The following TMA16 variants were observed in gnomAD, a reference collection of about 807,000 sequenced individuals.
TMA16 encodes the protein translation machinery-associated protein 16.
TMA16 carries 26 observed loss-of-function variants against 27.1 expected under a neutral mutation model. The ratio of observed to expected loss-of-function variants is 0.96; its 90% CI spans 0.70 to 1.33. The LOEUF (loss-of-function observed/expected upper bound fraction) is 1.33, where lower values mean the gene tolerates loss of function less well. Ranked by LOEUF, TMA16 falls within the 40% of genes most tolerant of loss-of-function variation. The pLI is 0.00. For synonymous variants in TMA16, 71 were observed against 81.9 expected (o/e 0.87, Z 0.72); for missense variants, 233 against 241.4 (o/e 0.97, Z 0.23).
Position 163,515,375 on chromosome 4 carries a change from G to A in TMA16, c.302G>A (p.Arg101Lys). 6.2e-7 allele frequency: 1 copy of A among 1,614,090 alleles called. No individual in the cohort carries two copies. The highest frequency in any genetic ancestry group is 8.5e-7 in the Non-Finnish European group (1 of 1,180,008). ...GAGTTACATAACAGTATCAGGGACA[G>A]GCAGGGGAGGCGGCACTGTTCCCGG... ...QIELHNSIRDRQGRRHCSRET... is the reference protein window; with the variant it reads ...QIELHNSIRDKQGRRHCSRET... The change falls in exon 5 of 7, where the codon AGG (arginine) becomes AAG (lysine). Residue 101 changes from arginine (R) to lysine (K), a missense_variant. Coordinates refer to ENST00000358572, the MANE Select transcript of TMA16 (RefSeq NM_018352.3).
At chr4:163,515,736 C>T (rs77801709) in intron 5 of TMA16, 2,759 of 252,978 alleles carry the variant, frequency 0.011, 53 homozygotes, top group East Asian at 0.063. Context: ...TCAACCCTAA[C>T]TTGTCTCCAG....
At chr4:163,516,389 T>G (rs1464512534) in intron 5 of TMA16, among the ~76,000 whole-genome samples, 2 of 152,232 alleles carry the variant, frequency 1.3e-5, no homozygotes, top group African/African-American at 4.8e-5. Context: ...CTATTTCTGA[T>G]TCATTAAGAT....
chr4:163,514,112 C>T lies in TMA16; in HGVS notation c.193C>T (p.Gln65Ter), dbSNP rs1737838003. 6.2e-7 allele frequency: 1 copy of T among 1,608,608 alleles called. No homozygotes were observed. Among genetic ancestry groups the T allele is most frequent in the African/African-American group, 1.3e-5 (1 of 74,474 alleles). The change falls in exon 4 of 7, where the codon CAA (glutamine) becomes TAA (stop). Residue 65 changes from glutamine (Q) to a stop codon, truncating the protein, a stop_gained. Transcript: ENST00000358572. LOFTEE classifies it high-confidence loss of function. ...LQWFQNHLDP[Q>*]KKRYSKKDAC... ...ATGGTTTCAAAATCATCTTGATCCC[C>T]AAAAAAAGAGATATTCAAAGAAAGA...
intron 1 of TMA16, among the ~76,000 whole-genome samples, chr4:163,500,117 G>C (rs1351578147): frequency 2.0e-5 from 3 of 151,984 alleles, no homozygotes; most frequent in African/African-American, 7.3e-5. Flanking sequence ...AGTACATTTG[G>C]AGATCCCAAA....
Position 163,519,688 on chromosome 4 carries a change from C to T in TMA16, c.*174C>T. On this transcript the variant is annotated 3_prime_UTR_variant, in exon 7 of 7. Coordinates refer to ENST00000358572, the MANE Select transcript of TMA16 (RefSeq NM_018352.3). ...GATACTTATTTTAAAATGAAGATTG[C>T]TTTTCATTTCCATTAAGTTGCTAAA... The T allele has an allele frequency of 1.5e-6, 1 of 648,294 alleles. No individual in the cohort carries two copies. The allele number at this position is 648,294 out of a possible 1,614,324, so 40.2% of individuals were successfully genotyped here.
Position 163,519,454 on chromosome 4 carries a change from G to A in TMA16, c.552G>A (p.Gly184=). 3 of 1,605,650 alleles carry A rather than the reference G, an allele frequency of 1.9e-6. No individual in the cohort carries two copies. The highest frequency in any genetic ancestry group is 1.7e-6 in the Non-Finnish European group (2 of 1,177,008). The change falls in exon 7 of 7, where the codon GGG becomes GGA. Residue 184 remains glycine (G), a synonymous_variant. Coordinates refer to ENST00000358572, the MANE Select transcript of TMA16 (RefSeq NM_018352.3). ...TTATAACTGTAGACCAAGATTTGGG[G>A]GAATTGGAACTAAACGATGAATCAA... ...KTIITVDQDL[G]ELELNDESSD...
chr4:163,514,909 A>G (rs1737851817), intron 4 of TMA16, among the ~76,000 whole-genome samples: 1 of 152,012 alleles, frequency 6.6e-6, no homozygotes, highest in Non-Finnish European at 1.5e-5. Flanking sequence ...AAAGGGATAG[A>G]GAGCAGTCAA....
rs151170713 is a variant in TMA16, at chr4:163,515,313, G to A, written c.240G>A (p.Arg80=). 2.4e-5 allele frequency: 39 copies of A among 1,602,652 alleles called. No individual in the cohort carries two copies. The Middle Eastern group carries it at 2.3e-3, about 96-fold the overall frequency. The part of the protein sequence containing the change: ...SKKDACELIE[R]YLNRFSSELE... ...CACAAATCATTTTCGTATTTTTCAG[G>A]TACTTAAATCGATTCAGCAGTGAGC... The change falls in exon 5 of 7, where the codon AGG becomes AGA. Residue 80 remains arginine (R), a splice_region_variant and synonymous_variant. Transcript: ENST00000358572.
chr4:163,503,244 G>A (rs955977440), intron 1 of TMA16, among the ~76,000 whole-genome samples: 2 of 152,078 alleles, frequency 1.3e-5, no homozygotes, highest in Non-Finnish European at 2.9e-5. Flanking sequence ...GTATTTTTAT[G>A]TTTAAGGGTA....
At chr4:163,502,744 TAAGG>T (rs1443775153) in intron 1 of TMA16, among the ~76,000 whole-genome samples, 4 of 152,196 alleles carry the variant, frequency 2.6e-5, no homozygotes, top group Admixed American at 2.6e-4. Context: ...ATTTATGTGT[TAAGG>T]AAGGAAGATG....
intron 1 of TMA16, among the ~76,000 whole-genome samples, chr4:163,502,642 G>A (rs1737663803): frequency 6.6e-6 from 1 of 152,194 alleles, no homozygotes. Context: ...CGAAGATTGG[G>A]TGGGGTTTAG....
chr4:163,514,896 A>G (rs1316750040), intron 4 of TMA16, among the ~76,000 whole-genome samples: 1 of 152,142 alleles, frequency 6.6e-6, no homozygotes, highest in Non-Finnish European at 1.5e-5. Context: ...TAGGTGTGGA[A>G]TAAAAGGGAT....
chr4:163,502,516 C>A (rs1737662554), intron 1 of TMA16, among the ~76,000 whole-genome samples: 1 of 152,058 alleles, frequency 6.6e-6, no homozygotes, highest in Admixed American at 6.6e-5. Flanking sequence ...CTGAGCAGTG[C>A]AGTACATTAT....
Position 163,519,351 on chromosome 4 carries a change from T to C in TMA16, c.449T>C (p.Leu150Pro). 1 of 1,592,790 alleles carries C rather than the reference T, an allele frequency of 6.3e-7. No homozygotes were observed. The highest frequency in any genetic ancestry group is 1.2e-5 in the South Asian group (1 of 86,626). Residue 150 changes from leucine to proline, a missense_variant, in exon 7 of 7, where the codon CTG becomes CCG. Coordinates refer to ENST00000358572, the MANE Select transcript of TMA16 (RefSeq NM_018352.3). The stretch of plus-strand genomic sequence containing the variant: ...TTGTCTAGGGAATGGGACTTTGATC[T>C]GAAGAAATTACCAAACATTAAAATG... Reference protein sequence around the residue: ...LKTFREWDFDLKKLPNIKMRK... With the variant: ...LKTFREWDFDPKKLPNIKMRK...
chr4:163,495,228 A>G (rs889911890), intron 1 of TMA16, among the ~76,000 whole-genome samples: 4 of 151,964 alleles, frequency 2.6e-5, no homozygotes, highest in Non-Finnish European at 5.9e-5. Flanking sequence ...GCGTCCGTTC[A>G]CCTCTCGTTA....
intron 5 of TMA16, among the ~76,000 whole-genome samples, chr4:163,516,847 GC>G (rs1737885740): frequency 6.6e-6 from 1 of 151,784 alleles, no homozygotes; most frequent in South Asian, 2.1e-4. Flanking sequence ...CCTTGTGAAG[GC>G]AGATTATACG....
Position 163,508,650 on chromosome 4 carries a change from C to A in TMA16, c.116+1505C>A, listed in dbSNP as rs376845844. Among the ~76,000 whole-genome samples the A allele has an allele frequency of 8.5e-4, 130 of 152,224 alleles. 2 individuals carry two copies. The South Asian group carries it at 0.024, about 29-fold the overall frequency. ...GGAGGAAGGGGAAGCAACGTGCTTACCATTTTATTAAAGATTGTTTAATTC... is the reference window on the plus strand; with the variant it reads ...GGAGGAAGGGGAAGCAACGTGCTTAACATTTTATTAAAGATTGTTTAATTC... On this transcript the variant is annotated intron_variant, in intron 2 of 6. Coordinates refer to ENST00000358572, the MANE Select transcript of TMA16 (RefSeq NM_018352.3).
intron 2 of TMA16, among the ~76,000 whole-genome samples, chr4:163,508,126 T>A (rs1308881401): frequency 6.6e-6 from 1 of 152,190 alleles, no homozygotes; most frequent in African/African-American, 2.4e-5. Flanking sequence ...AAACTTCAGC[T>A]ATTTATGCAT....
intron 1 of TMA16, among the ~76,000 whole-genome samples, chr4:163,500,108 G>A (rs1468160223): frequency 6.6e-6 from 1 of 151,750 alleles, no homozygotes; most frequent in African/African-American, 2.4e-5. Flanking sequence ...TAATCCAAAA[G>A]TACATTTGGA....
Sources: allele counts gnomAD v4.1 joint callset (sites outside exome capture counted in the v4.1 genomes callset), GRCh38; gene constraint gnomAD v4.1.1; transcripts MANE v1.5; gene names NCBI Gene and HGNC (gene_info 2026-07-23, HGNC 2026-07-21).